Variants in SVOPL observed in about 807,000 individuals in gnomAD.
The protein encoded by SVOPL is SVOP like.
Under a neutral mutation model 61.0 loss-of-function variants are expected in SVOPL, and 60 were observed. The ratio of observed to expected loss-of-function variants is 0.98; its 90% confidence interval spans 0.80 to 1.22. The LOEUF (loss-of-function observed/expected upper bound fraction) is 1.22, where lower values mean the gene tolerates loss of function less well. Among genes scored for constraint, SVOPL ranks in the 50% most tolerant of loss-of-function variants. SVOPL has a pLI of 0.00. For missense variants in SVOPL, 662 were observed against 643.9 expected (o/e 1.03, Z -0.30); for synonymous variants, 279 against 250.0 (o/e 1.12, Z -1.09).
intron 14 of SVOPL, chr7:138,596,753 G>A: frequency 1.7e-6 from 2 of 1,198,936 alleles, no homozygotes; most frequent in African/African-American, 1.6e-5. Flanking sequence ...GCATTGGCCA[G>A]GTAAGACCTC....
In SVOPL at chr7:138,672,159, T is replaced by G. The variant is rs1172044772; in HGVS notation, c.175-42A>C. 3.3e-6 allele frequency: 5 copies of G among 1,524,716 alleles called. No homozygotes were observed. The Admixed American group carries it at 5.9e-5, about 18-fold the overall frequency. 94.4% of individuals were successfully genotyped at this position (1,524,716 alleles called of 1,614,324 possible). Reference sequence around the variant, plus strand: ...ACCATGCCATGTCTAAGTGCCAGCTTGTCATCACTTCTTCTCATATCTGCC... The same window carrying G: ...ACCATGCCATGTCTAAGTGCCAGCTGGTCATCACTTCTTCTCATATCTGCC... On this transcript the variant is annotated intron_variant, in intron 3 of 15. Transcript: ENST00000674285.
intron 8 of SVOPL, among the ~76,000 whole-genome samples, chr7:138,645,392 A>G (rs530210653): frequency 6.6e-6 from 1 of 152,278 alleles, no homozygotes; most frequent in Admixed American, 6.5e-5. Flanking sequence ...CCCGTCTCTC[A>G]CGCCTCACGC....
chr7:138,632,609 G>T (rs1800262714), intron 9 of SVOPL, among the ~76,000 whole-genome samples: 1 of 151,928 alleles, frequency 6.6e-6, no homozygotes, highest in Admixed American at 6.6e-5. Context: ...AGGTGAGGTA[G>T]GAGAGGAAAA....
chr7:138,660,921 T>A, intron 5 of SVOPL: 1 of 985,076 alleles, frequency 1.0e-6, no homozygotes, highest in South Asian at 4.7e-5. Context: ...AAAATTTCCT[T>A]ACATATTTGA....
At chr7:138,607,188 G>A (rs13232869) in intron 14 of SVOPL, among the ~76,000 whole-genome samples, 4 of 152,096 alleles carry the variant, frequency 2.6e-5, no homozygotes, top group Admixed American at 6.5e-5. Flanking sequence ...ACATCCAGGC[G>A]AAAATGCTGG....
At chr7:138,606,825 A>C (rs1163791291) in intron 14 of SVOPL, among the ~76,000 whole-genome samples, 1 of 152,094 alleles carries the variant, frequency 6.6e-6, no homozygotes, top group Non-Finnish European at 1.5e-5. Flanking sequence ...GTGGTGGCGC[A>C]TGCCTGTTAT....
At chr7:138,650,711 G>A (rs1801384168) in intron 7 of SVOPL, among the ~76,000 whole-genome samples, 1 of 66,380 alleles carries the variant, frequency 1.5e-5, no homozygotes, top group Non-Finnish European at 3.1e-5. Flanking sequence ...TACTTAGGAG[G>A]CTGAGGTGGA....
intron 7 of SVOPL, 135 bp downstream of exon 7, chr7:138,656,313 G>T: frequency 1.2e-6 from 1 of 858,356 alleles, no homozygotes; most frequent in Non-Finnish European, 1.9e-6. Flanking sequence ...AAAAGGTTGT[G>T]TGACTCACTT....
In SVOPL at chr7:138,663,133, C is replaced by CA. The variant is rs1235970010; in HGVS notation, c.285dup (p.Gly96TrpfsTer14). The stretch of plus-strand genomic sequence containing the variant: ...AAGAGGATACTGAAAACCATGTAGC[C>CA]AAAAAACACCATCTGCAAGTGGGAG... On this transcript the variant is annotated frameshift_variant, in exon 5 of 16. Coordinates refer to ENST00000674285, the MANE Select transcript of SVOPL (RefSeq NM_001139456.2). LOFTEE classifies it high-confidence loss of function. 17 of 1,613,862 alleles carry CA rather than the reference C, an allele frequency of 1.1e-5. No individual in the cohort carries two copies. Among genetic ancestry groups the CA allele is most frequent in the Admixed American group, 5.0e-5 (3 of 59,938 alleles).
intron 9 of SVOPL, among the ~76,000 whole-genome samples, chr7:138,631,415 TAGTA>T (rs1431765457): frequency 6.6e-6 from 1 of 152,136 alleles, no homozygotes; most frequent in Non-Finnish European, 1.5e-5. Context: ...TGCTATCAAA[TAGTA>T]AGTCTTATTC....
intron 14 of SVOPL, among the ~76,000 whole-genome samples, chr7:138,603,408 G>C (rs546075103): frequency 6.6e-6 from 1 of 152,218 alleles, no homozygotes; most frequent in South Asian, 2.1e-4. Context: ...AGCAGGCCGG[G>C]TGCGGTGGCT....
At chr7:138,691,610 G>A (rs191206477) in intron 1 of SVOPL, among the ~76,000 whole-genome samples, 14 of 152,178 alleles carry the variant, frequency 9.2e-5, no homozygotes, top group Admixed American at 2.6e-4. Context: ...GCGTGATCTC[G>A]GCTCACTGCA....
rs1402300926 is a variant in SVOPL, at chr7:138,661,940, C to A, written c.345+1134G>T. The stretch of plus-strand genomic sequence containing the variant: ...GGTTCAGAGCAACACCACCCCTTAC[C>A]CCCACAATTACCAATAGGCTCCTCT... On this transcript the variant is annotated intron_variant, in intron 5 of 15. Coordinates refer to ENST00000674285, the MANE Select transcript of SVOPL (RefSeq NM_001139456.2). The A allele has an allele frequency of 6.1e-6, 6 of 985,422 alleles. No individual in the cohort carries two copies. In the East Asian group the frequency reaches 4.5e-4, roughly 75 times the overall value. The allele number at this position is 985,422 out of a possible 1,614,324, so 61.0% of individuals were successfully genotyped here.
Position 138,641,838 on chromosome 7 carries a change from T to TAAC in SVOPL, c.789+2878_789+2879insGTT, listed in dbSNP as rs1427452728. 8.3e-5 allele frequency among the ~76,000 whole-genome samples: 11 copies of TAAC among 133,000 alleles called. No homozygotes were observed. The South Asian group carries it at 9.7e-4, about 12-fold the overall frequency. 87.3% of individuals were successfully genotyped at this position (133,000 alleles called of 152,430 possible). On this transcript the variant is annotated intron_variant, in intron 9 of 15. Coordinates refer to ENST00000674285, the MANE Select transcript of SVOPL (RefSeq NM_001139456.2). Reference sequence around the variant, plus strand: ...GTTATATATATATATATATATAACATATATATATAACATATATATAGTCAA... The same window carrying TAAC: ...GTTATATATATATATATATATAACATAACATATATATAACATATATATAGTCAA...
chr7:138,616,075 C>A (rs1377103946), intron 14 of SVOPL, among the ~76,000 whole-genome samples: 1 of 152,190 alleles, frequency 6.6e-6, no homozygotes, highest in Non-Finnish European at 1.5e-5. Context: ...TGTCTCCAAG[C>A]CGAGAAGAGA....
chr7:138,643,414 C>T (rs1458147116), intron 9 of SVOPL, among the ~76,000 whole-genome samples: 9 of 131,488 alleles, frequency 6.8e-5, no homozygotes. Flanking sequence ...AAGAGTGAGA[C>T]TCCATCTCAA....
At chr7:138,672,656 T>TTTTTAAAAAAA (rs35924408) in intron 3 of SVOPL, among the ~76,000 whole-genome samples, 1 of 118,858 alleles carries the variant, frequency 8.4e-6, no homozygotes, top group African/African-American at 3.3e-5. Context: ...TTTTTGTGTT[T>TTTTTAAAAAAA]AAAAAAAAAA....
At chr7:138,698,931 A>G (rs1584875256) in intron 1 of SVOPL, among the ~76,000 whole-genome samples, 1 of 152,306 alleles carries the variant, frequency 6.6e-6, no homozygotes, top group East Asian at 1.9e-4. Context: ...AGGGTGGATC[A>G]CCTGAGGTCA....
At chr7:138,635,855 T>TA (rs1261158213) in intron 9 of SVOPL, among the ~76,000 whole-genome samples, 1 of 152,046 alleles carries the variant, frequency 6.6e-6, no homozygotes, top group African/African-American at 2.4e-5. Context: ...TATAAAGCTA[T>TA]AAAAATACTT....
Sources: allele counts gnomAD v4.1 joint callset (sites outside exome capture counted in the v4.1 genomes callset), GRCh38; gene constraint gnomAD v4.1.1; transcripts MANE v1.5; gene names NCBI Gene and HGNC (gene_info 2026-07-23, HGNC 2026-07-21).